KIFBP: variants seen among roughly 807,000 people sequenced by gnomAD.
The protein encoded by KIFBP is KIF-binding protein.
In KIFBP, 46 loss-of-function variants were observed where a neutral mutation model predicts 58.9. The ratio of observed to expected loss-of-function variants is 0.78; its 90% confidence interval spans 0.62 to 1.00. KIFBP has a LOEUF of 1.00. KIFBP is among the 50% of genes least tolerant of loss of function. The pLI is 0.00. For missense variants in KIFBP, 651 were observed against 752.9 expected, an observed-to-expected ratio of 0.86 and a Z score of 1.58; for synonymous variants, 241 against 283.4, an observed-to-expected ratio of 0.85 and a Z score of 1.50.
At position 68,989,005 on chromosome 10, in the gene KIFBP, A is replaced by T; in HGVS notation, c.173A>T (p.Asp58Val). The T allele has an allele frequency of 1.2e-6, 2 of 1,614,174 alleles. No individual in the cohort carries two copies. The highest frequency in any genetic ancestry group is 1.7e-6 in the Non-Finnish European group (2 of 1,180,010). ...ALLGPAPEDE[D>V]ERPEAEDGPG... The stretch of plus-strand genomic sequence containing the variant: ...CTCGGCCCTGCGCCTGAGGACGAGG[A>T]TGAGCGGCCTGAGGCCGAGGACGGC... The change falls in exon 1 of 7, where the codon GAT (aspartate) becomes GTT (valine). Residue 58 changes from aspartate to valine, a missense_variant. By Grantham distance (152) the Asp-to-Val change is radical. Transcript: ENST00000361983.
At chr10:69,006,067 GTACTAAAATTT>G (rs1843532289) in intron 4 of KIFBP, 152 bp downstream of exon 4, 1 of 678,058 alleles carries the variant, frequency 1.5e-6, no homozygotes, top group Non-Finnish European at 2.4e-6. Context: ...GTTTGCCCGT[GTACTAAAATTT>G]TGTAGCTTTT....
intron 6 of KIFBP, among the ~76,000 whole-genome samples, chr10:69,012,681 C>T (rs976086956): frequency 2.0e-5 from 3 of 152,014 alleles, no homozygotes; most frequent in African/African-American, 7.3e-5. Flanking sequence ...CACTTGAGCC[C>T]ATGAGTTTGA....
At chr10:69,004,013 AG>A (rs1041933021) in intron 2 of KIFBP, among the ~76,000 whole-genome samples, 1 of 151,948 alleles carries the variant, frequency 6.6e-6, no homozygotes, top group Non-Finnish European at 1.5e-5. Context: ...TGAGATCAAG[AG>A]ATTGAGACCA....
intron 6 of KIFBP, among the ~76,000 whole-genome samples, chr10:69,014,202 T>G (rs1843622279): frequency 6.6e-6 from 1 of 152,218 alleles, no homozygotes; most frequent in East Asian, 1.9e-4. Flanking sequence ...CCAAGGATAC[T>G]ATGATGAACA....
At chr10:69,012,815 C>A (rs1216733544) in intron 6 of KIFBP, among the ~76,000 whole-genome samples, 1 of 151,964 alleles carries the variant, frequency 6.6e-6, no homozygotes, top group African/African-American at 2.4e-5. Context: ...ATCACTTGAG[C>A]CCAGGAGGCA....
intron 1 of KIFBP, among the ~76,000 whole-genome samples, chr10:68,999,020 A>G (rs1314801895): frequency 6.6e-6 from 1 of 151,732 alleles, no homozygotes; most frequent in Non-Finnish European, 1.5e-5. Flanking sequence ...ACCTCAAGTG[A>G]TCTGCCTACT....
chr10:69,000,631 A>G (rs1843457054), intron 2 of KIFBP, 109 bp downstream of exon 2: 1 of 787,708 alleles, frequency 1.3e-6, no homozygotes, highest in African/African-American at 1.7e-5. Context: ...GTGCCCTAGA[A>G]CTTCTCTATA....
Position 68,989,090 on chromosome 10 carries a change from C to G in KIFBP, c.258C>G (p.Pro86=). 6.2e-7 allele frequency: 1 copy of G among 1,610,730 alleles called. No individual in the cohort carries two copies. Among genetic ancestry groups the G allele is most frequent in the Non-Finnish European group, 8.5e-7 (1 of 1,177,920 alleles). ...CTGAGGTGGTGGAGCCCGAGGGGCCCGTCGCCCAGCGAGCGGTGAGGCTGG... is the reference window on the plus strand; with the variant it reads ...CTGAGGTGGTGGAGCCCGAGGGGCCGGTCGCCCAGCGAGCGGTGAGGCTGG... ...LPAEVVEPEG[P]VAQRAVRLAV... The change falls in exon 1 of 7, where the codon CCC becomes CCG. Residue 86 remains proline (P), a synonymous_variant. Coordinates refer to ENST00000361983, the MANE Select transcript of KIFBP (RefSeq NM_015634.4).
chr10:69,005,666 C>G (rs1465427042), intron 3 of KIFBP, 66 bp from the exon 4 acceptor site: 1 of 1,257,856 alleles, frequency 8.0e-7, no homozygotes, highest in Non-Finnish European at 1.1e-6. Flanking sequence ...GAGCGAGACT[C>G]TGTCTCAGGA....
intron 2 of KIFBP, among the ~76,000 whole-genome samples, chr10:69,002,976 G>A (rs12267113): frequency 0.044 from 6,608 of 151,114 alleles, 473 homozygotes; most frequent in African/African-American, 0.15. Flanking sequence ...GGGAGGCCGA[G>A]GTGGGAAGAT....
intron 1 of KIFBP, chr10:68,995,323 A>G (rs1353684173): frequency 6.6e-6 from 1 of 152,174 alleles, no homozygotes; most frequent in Non-Finnish European, 1.5e-5. Context: ...TATATAAATG[A>G]AATCATATTG....
rs1838996357 is a variant in KIFBP, at chr10:69,015,929, A to T, written c.1379A>T (p.Asp460Val). The part of the protein sequence containing the change: ...RIAMLEPLTV[D>V]LNPQYYLLVN... ...GCCATGCTAGAGCCCCTAACTGTAG[A>T]CCTGAATCCACAGTATTATCTGTTG... Residue 460 changes from aspartate to valine, a missense_variant, in exon 7 of 7, where the codon GAC becomes GTC. By Grantham distance (152) the Asp-to-Val change is radical (BLOSUM62 -3). Coordinates refer to ENST00000361983, the MANE Select transcript of KIFBP (RefSeq NM_015634.4). 6.2e-7 allele frequency: 1 copy of T among 1,614,216 alleles called. No homozygotes were observed. The highest frequency in any genetic ancestry group is 1.7e-5 in the Admixed American group (1 of 60,018).
rs781721076 is a variant in KIFBP, at chr10:68,988,991, G to T, written c.159G>T (p.Ala53=). 3 of 1,614,216 alleles carry T rather than the reference G, an allele frequency of 1.9e-6. No homozygotes were observed. In the South Asian group the frequency reaches 3.3e-5, roughly 18 times the overall value. ...LEEVKALLGP[A]PEDEDERPEA... ...AGGTCAAGGCGCTGCTCGGCCCTGC[G>T]CCTGAGGACGAGGATGAGCGGCCTG... is the stretch of plus-strand genomic sequence containing the variant. The change falls in exon 1 of 7, where the codon GCG becomes GCT. Residue 53 remains alanine, a synonymous_variant. Transcript: ENST00000361983.
chr10:68,993,300 C>A (rs1843370397), intron 1 of KIFBP, among the ~76,000 whole-genome samples: 1 of 152,146 alleles, frequency 6.6e-6, no homozygotes, highest in African/African-American at 2.4e-5. Flanking sequence ...GTCCCTGCAA[C>A]CTCCCAATGC....
At chr10:68,990,877 A>G (rs1176871805) in intron 1 of KIFBP, among the ~76,000 whole-genome samples, 1 of 152,156 alleles carries the variant, frequency 6.6e-6, no homozygotes, top group Non-Finnish European at 1.5e-5. Flanking sequence ...CGTTACATCC[A>G]AACAGAAGAA....
At chr10:69,013,023 T>G (rs913092506) in intron 6 of KIFBP, among the ~76,000 whole-genome samples, 14 of 151,850 alleles carry the variant, frequency 9.2e-5, no homozygotes, top group Non-Finnish European at 1.5e-4. Flanking sequence ...AAGCATGTCT[T>G]ACCATGGCAA....
In KIFBP at chr10:69,015,889, C is replaced by T; in HGVS notation, c.1339C>T (p.His447Tyr). The T allele has an allele frequency of 1.2e-6, 2 of 1,614,126 alleles. No individual in the cohort carries two copies. The highest frequency in any genetic ancestry group is 8.5e-7 in the Non-Finnish European group (1 of 1,180,024). ...TGACATGGAGAGACGGTGCAAGATG[C>T]ATAAACGCAGAATAGCCATGCTAGA... is the stretch of plus-strand genomic sequence containing the variant. ...ETDMERRCKM[H>Y]KRRIAMLEPL... The change falls in exon 7 of 7, where the codon CAT becomes TAT. Residue 447 changes from histidine to tyrosine, a missense_variant. His to Tyr is a moderately conservative substitution (Grantham distance 83). Transcript: ENST00000361983.
intron 6 of KIFBP, among the ~76,000 whole-genome samples, chr10:69,013,533 G>GA (rs1193709352): frequency 1.3e-5 from 2 of 152,016 alleles, no homozygotes; most frequent in African/African-American, 4.8e-5. Context: ...ATCCTAGAGA[G>GA]AACATGTAAG....
At chr10:69,004,018 G>C (rs1843501285) in intron 2 of KIFBP, among the ~76,000 whole-genome samples, 1 of 151,872 alleles carries the variant, frequency 6.6e-6, no homozygotes, top group Non-Finnish European at 1.5e-5. Flanking sequence ...TCAAGAGATT[G>C]AGACCATCCT....
Sources: gnomAD v4.1 joint callset for allele counts (sites outside exome capture counted in the v4.1 genomes callset) on GRCh38, gnomAD v4.1.1 for gene constraint, MANE v1.5 for transcripts, NCBI Gene and HGNC (gene_info 2026-07-23, HGNC 2026-07-21) for gene names.